COMMD1: variants seen among roughly 807,000 people sequenced by gnomAD.
The protein encoded by COMMD1 is COMM domain-containing protein 1.
COMMD1 carries 10 observed loss-of-function variants against 17.2 expected under a neutral mutation model. That is an observed-to-expected ratio of 0.58 (90% CI 0.36 to 0.99). The LOEUF is 0.99. COMMD1 is among the 50% of genes least tolerant of loss of function. The probability of loss-of-function intolerance (pLI) is 0.01; values close to 1 mark genes in which losing one functional copy is unlikely to be tolerated. For synonymous variants in COMMD1, 97 were observed against 91.6 expected (o/e 1.06, Z -0.34); for missense variants, 270 against 231.8 (o/e 1.17, Z -1.07).
At chr2:62,047,198 A>G (rs1365605712) in intron 2 of COMMD1, among the ~76,000 whole-genome samples, 2 of 152,194 alleles carry the variant, frequency 1.3e-5, no homozygotes, top group African/African-American at 2.4e-5. Context: ...CTTTTAGTCA[A>G]TGACAGACTG....
Position 61,984,845 on chromosome 2 carries a change from A to G in COMMD1, c.181-15856A>G, listed in dbSNP as rs556604907. Among the ~76,000 whole-genome samples, 12 of 151,938 alleles carry G rather than the reference A, an allele frequency of 7.9e-5. No homozygotes were observed. The East Asian group carries it at 1.2e-3, about 15-fold the overall frequency. On this transcript the variant is annotated intron_variant, in intron 1 of 2. Coordinates refer to ENST00000311832, the MANE Select transcript of COMMD1 (RefSeq NM_152516.4). Reference sequence around the variant, plus strand: ...TATCTGGGTGCTCTAGTGTCAGTGCATATATATTTAAAATTGTTTTATTGT... The same window carrying G: ...TATCTGGGTGCTCTAGTGTCAGTGCGTATATATTTAAAATTGTTTTATTGT...
At chr2:61,905,513 G>T (rs1308600903), upstream of COMMD1, 2 of 628,302 alleles carry the variant, frequency 3.2e-6, no homozygotes, top group East Asian at 5.5e-5. Flanking sequence ...AAGGGGATGG[G>T]TGTTGCAGAG....
intron 1 of COMMD1, among the ~76,000 whole-genome samples, chr2:61,964,605 T>C (rs931702368): frequency 2.0e-5 from 3 of 150,814 alleles, no homozygotes; most frequent in African/African-American, 7.3e-5. Context: ...GAGGCCGAGG[T>C]GGGCAGATCA....
intron 1 of COMMD1, among the ~76,000 whole-genome samples, chr2:61,896,270 C>T (rs866052834): frequency 2.6e-5 from 4 of 152,170 alleles, no homozygotes; most frequent in African/African-American, 9.7e-5. Flanking sequence ...TGCCACACTG[C>T]TACCACAGAG....
chr2:61,953,762 C>T (rs972817323), intron 1 of COMMD1, among the ~76,000 whole-genome samples: 3 of 152,174 alleles, frequency 2.0e-5, no homozygotes, highest in African/African-American at 7.2e-5. Context: ...TACATACTCT[C>T]TATACATACA....
chr2:62,015,774 T>G (rs1421550458), intron 2 of COMMD1, among the ~76,000 whole-genome samples: 1 of 151,868 alleles, frequency 6.6e-6, no homozygotes, highest in Non-Finnish European at 1.5e-5. Flanking sequence ...AGTTTTGAGT[T>G]GAAGTCCTTA....
intron 2 of COMMD1, among the ~76,000 whole-genome samples, chr2:62,059,400 C>T (rs528538891): frequency 6.6e-6 from 1 of 152,154 alleles, no homozygotes; most frequent in Non-Finnish European, 1.5e-5. Context: ...AAGCGATCCT[C>T]CCACCTTGGC....
At chr2:62,020,486 G>T (rs1288539799) in intron 2 of COMMD1, among the ~76,000 whole-genome samples, 1 of 152,134 alleles carries the variant, frequency 6.6e-6, no homozygotes, top group Non-Finnish European at 1.5e-5. Flanking sequence ...ATGTTTGGGA[G>T]TCCAAGGCCC....
At chr2:62,083,485 C>G (rs747840072) in intron 2 of COMMD1, among the ~76,000 whole-genome samples, 16 of 152,222 alleles carry the variant, frequency 1.1e-4, no homozygotes, top group Non-Finnish European at 2.2e-4. Flanking sequence ...CACTTCTGAT[C>G]TAGAATAGTC....
At chr2:62,031,430 A>AT (rs1473625977) in intron 2 of COMMD1, among the ~76,000 whole-genome samples, 2 of 152,328 alleles carry the variant, frequency 1.3e-5, no homozygotes, top group African/African-American at 4.8e-5. Context: ...TTTCTATCCC[A>AT]TTAATTGGCT....
rs905764961 is a variant in COMMD1 at position 61,910,935 on chromosome 2, T to A, written c.180+5077T>A. 7.8e-4 allele frequency among the ~76,000 whole-genome samples: 117 copies of A among 149,730 alleles called. 2 individuals are homozygous for A. Among genetic ancestry groups the A allele is most frequent in the Non-Finnish European group, 2.7e-4 (18 of 67,466 alleles). ...CCCGTCTCTACTAAAAATACAAAATTAGCCAGACATGGTGGTTCATGCCTG... is the reference window on the plus strand; with the variant it reads ...CCCGTCTCTACTAAAAATACAAAATAAGCCAGACATGGTGGTTCATGCCTG... On this transcript the variant is annotated intron_variant, in intron 1 of 2. Transcript: ENST00000311832.
At chr2:61,969,041 C>T (rs1002626052) in intron 1 of COMMD1, 1 of 446,564 alleles carries the variant, frequency 2.2e-6, no homozygotes. Context: ...ACACCGTGGC[C>T]TTGAACTCCT....
At chr2:61,927,830 C>T (rs901216274) in intron 1 of COMMD1, among the ~76,000 whole-genome samples, 1 of 152,090 alleles carries the variant, frequency 6.6e-6, no homozygotes, top group Non-Finnish European at 1.5e-5. Flanking sequence ...GGCTGGAGTG[C>T]AATGGCTCAC....
intron 1 of COMMD1, among the ~76,000 whole-genome samples, chr2:61,908,665 A>G (rs993850296): frequency 2.7e-5 from 4 of 149,722 alleles, no homozygotes; most frequent in African/African-American, 4.9e-5. Flanking sequence ...GATTCAAACA[A>G]TTCTCTGCCT....
In COMMD1 at chr2:62,005,895, C is replaced by G. The variant is rs543852972; in HGVS notation, c.462+4913C>G. ...ATGCTGCTATAAAGACACATGCACA[C>G]GTATGTTTACTGCGGCACTATTCAC... On this transcript the variant is annotated intron_variant, in intron 2 of 2. Coordinates refer to ENST00000311832, the MANE Select transcript of COMMD1 (RefSeq NM_152516.4). Among the ~76,000 whole-genome samples the G allele has an allele frequency of 1.2e-3, 179 of 151,526 alleles. 1 individual carries two copies. The highest frequency in any genetic ancestry group is 2.1e-3 in the Non-Finnish European group (145 of 67,790).
At chr2:61,907,229 C>T (rs1035916662) in intron 1 of COMMD1, among the ~76,000 whole-genome samples, 1 of 152,178 alleles carries the variant, frequency 6.6e-6, no homozygotes, top group African/African-American at 2.4e-5. Flanking sequence ...GCCTCAGCCT[C>T]CCGAGTAGCT....
intron 2 of COMMD1, among the ~76,000 whole-genome samples, chr2:62,042,259 G>A (rs1458528694): frequency 6.6e-6 from 1 of 152,082 alleles, no homozygotes; most frequent in East Asian, 1.9e-4. Context: ...GCTGATTGGT[G>A]CATTTACAAA....
Position 61,918,547 on chromosome 2 carries a change from A to G in COMMD1, c.180+12689A>G, listed in dbSNP as rs376535568. 1.8e-4 allele frequency: 27 copies of G among 152,268 alleles called. No homozygotes were observed. In the East Asian group the frequency reaches 3.7e-3, roughly 21 times the overall value. 9.4% of individuals were successfully genotyped at this position (152,268 alleles called of 1,614,324 possible). ...AGGGCAAAACCCATTCAATTAATCT[A>G]TTTTTGGTTTTCCTTTTCTCAAAGC... is the stretch of plus-strand genomic sequence containing the variant. On this transcript the variant is annotated intron_variant, in intron 1 of 2. Coordinates refer to ENST00000311832, the MANE Select transcript of COMMD1 (RefSeq NM_152516.4).
chr2:62,135,868 A>G lies in COMMD1; in HGVS notation c.500A>G (p.Lys167Arg). 6.3e-7 allele frequency: 1 copy of G among 1,599,862 alleles called. No homozygotes were observed. Among genetic ancestry groups the G allele is most frequent in the Non-Finnish European group, 8.6e-7 (1 of 1,167,072 alleles). ...CTGTGTTTGGAATTTGATGAGGTCA[A>G]AGTCAACCAAATTCTGAAGACGCTG... ...EFLCLEFDEV[K>R]VNQILKTLSE... is the part of the protein sequence containing the mutation. Residue 167 changes from lysine to arginine, a missense_variant, in exon 3 of 3, where the codon AAA becomes AGA. By Grantham distance (26) the Lys-to-Arg change is conservative. Coordinates refer to ENST00000311832, the MANE Select transcript of COMMD1 (RefSeq NM_152516.4).
Sources: gnomAD v4.1 joint callset for allele counts (sites outside exome capture counted in the v4.1 genomes callset) on GRCh38, gnomAD v4.1.1 for gene constraint, MANE v1.5 for transcripts, NCBI Gene and HGNC (gene_info 2026-07-23, HGNC 2026-07-21) for gene names.